The following DRC4 variants were observed in gnomAD, a reference collection of about 807,000 sequenced individuals.
DRC4 encodes dynein regulatory complex subunit 4, also known as GAS-11.
At chr16:90,044,259 C>T in the DRC4 span, 1 of 447,592 alleles carries the variant, frequency 2.2e-6, no homozygotes, top group South Asian at 1.6e-5. Context: ...GGATGAATCA[C>T]CCTTGGCCCA....
the DRC4 span, chr16:90,044,123 A>G: frequency 4.4e-6 from 2 of 452,650 alleles, no homozygotes; most frequent in Middle Eastern, 3.3e-4. Flanking sequence ...CCAGAGGGAC[A>G]CTCCACAGAA....
chr16:90,039,502 C>T, the DRC4 span, among the ~76,000 whole-genome samples: 322 of 152,184 alleles, frequency 2.1e-3, 1 homozygote, highest in African/African-American at 6.7e-3. Context: ...ACTCCTGCCT[C>T]GGCCTCCCGA....
the DRC4 span, chr16:90,044,104 C>A: frequency 2.2e-6 from 1 of 447,874 alleles, no homozygotes; most frequent in Non-Finnish European, 4.5e-6. Flanking sequence ...ATGGGGTGAA[C>A]CTTCCGCACC....
the DRC4 span, chr16:90,044,639 G>A: frequency 4.2e-6 from 2 of 470,670 alleles, no homozygotes; most frequent in Non-Finnish European, 8.8e-6. Flanking sequence ...GAGAGGATGA[G>A]GCTGCAGAGA....
the DRC4 span, chr16:90,032,628 G>A: frequency 2.6e-6 from 3 of 1,172,922 alleles, no homozygotes; most frequent in Non-Finnish European, 3.8e-6. Context: ...GTGTGGTACA[G>A]GTGTGCTATG....
the DRC4 span, chr16:90,039,942 A>C: frequency 3.5e-5 from 11 of 314,894 alleles, no homozygotes; most frequent in African/African-American, 2.1e-4. Context: ...CCTGGATCTC[A>C]AATCTCACCT....
At chr16:90,042,939 C>T in the DRC4 span, 1 of 532,202 alleles carries the variant, frequency 1.9e-6, no homozygotes, top group Non-Finnish European at 3.4e-6. Context: ...ACAGCTCTGC[C>T]CTGAGTGTCC....
chr16:90,024,361 G>A, the DRC4 span, among the ~76,000 whole-genome samples: 4,602 of 152,282 alleles, frequency 0.03, 84 homozygotes, highest in Middle Eastern at 0.17. Context: ...ACTGAGCCCT[G>A]AACAAAGAGT....
chr16:90,035,050 T>C, the DRC4 span, among the ~76,000 whole-genome samples: 7 of 152,020 alleles, frequency 4.6e-5, no homozygotes, highest in African/African-American at 1.7e-4. Flanking sequence ...ATTACAGGCA[T>C]GTGCCACCAT....
the DRC4 span, chr16:90,020,767 G>C: frequency 6.6e-6 from 1 of 152,188 alleles, no homozygotes; most frequent in Non-Finnish European, 1.5e-5. Flanking sequence ...CCCTGTCTAG[G>C]CTATCCTGAG....
At chr16:90,044,685 G>A in the DRC4 span, 1 of 459,460 alleles carries the variant, frequency 2.2e-6, no homozygotes, top group Non-Finnish European at 4.5e-6. Flanking sequence ...GCTTTCCTGG[G>A]TCTGCATCCC....
the DRC4 span, chr16:90,028,801 T>A: frequency 1.5e-6 from 1 of 648,468 alleles, no homozygotes; most frequent in Non-Finnish European, 2.3e-6. Context: ...TGTGTTATTG[T>A]TAATAAATCT....
At chr16:90,023,341 G>A in the DRC4 span, among the ~76,000 whole-genome samples, 1 of 152,192 alleles carries the variant, frequency 6.6e-6, no homozygotes, top group East Asian at 1.9e-4. Flanking sequence ...AGAAGAGGAA[G>A]GCGGAGCTCG....
the DRC4 span, chr16:90,043,484 C>G: frequency 1.1e-6 from 1 of 889,618 alleles, no homozygotes; most frequent in African/African-American, 1.7e-5. Context: ...TTGCCATCCT[C>G]TTTCCTGGCT....
At chr16:90,031,259 C>A in the DRC4 span, 45 of 1,608,888 alleles carry the variant, frequency 2.8e-5, no homozygotes, top group East Asian at 9.8e-4. Flanking sequence ...GTGCATGGGC[C>A]CCTGCTCAGT....
chr16:90,028,869 T>A, the DRC4 span: 533,475 of 1,091,072 alleles, frequency 0.49, 135,488 homozygotes, highest in East Asian at 0.96. Flanking sequence ...TGAAAGAGTC[T>A]CATGACCTGA....
At chr16:90,022,672 G>A in the DRC4 span, 1 of 1,420,114 alleles carries the variant, frequency 7.0e-7, no homozygotes, top group Admixed American at 2.6e-5. Flanking sequence ...TGGCTTCCGG[G>A]GGCGGGCGCC....
the DRC4 span, among the ~76,000 whole-genome samples, chr16:90,021,306 G>A: frequency 8.5e-5 from 13 of 152,288 alleles, no homozygotes; most frequent in African/African-American, 3.1e-4. Context: ...AGGTCCACCA[G>A]GCCTTCTTTC....
chr16:90,032,838 G>A, the DRC4 span: 2 of 1,613,974 alleles, frequency 1.2e-6, no homozygotes, highest in Non-Finnish European at 1.7e-6. Flanking sequence ...ACAGGAGAGT[G>A]TGCTGCGCAA....
Sources: allele counts gnomAD v4.1 joint callset (sites outside exome capture counted in the v4.1 genomes callset), GRCh38; gene constraint gnomAD v4.1.1; transcripts MANE v1.5; gene names NCBI Gene and HGNC (gene_info 2026-07-23, HGNC 2026-07-21).